The following NFATC1 variants were observed in gnomAD, a reference collection of about 807,000 sequenced individuals.
NFATC1 encodes the protein nuclear factor of activated T-cells, cytoplasmic 1.
A neutral mutation model predicts 76.0 loss-of-function variants in NFATC1; 22 were observed. The ratio of observed to expected loss-of-function variants is 0.29; its 90% confidence interval spans 0.21 to 0.41. The LOEUF (loss-of-function observed/expected upper bound fraction) is 0.41, where lower values mean the gene tolerates loss of function less well. Ranked by LOEUF, NFATC1 falls within the 10% of genes least tolerant of loss-of-function variation. The pLI, the probability that NFATC1 is intolerant of heterozygous loss-of-function variation, is 1.00. For synonymous variants in NFATC1, 704 were observed against 613.1 expected (o/e 1.15, Z -2.19); for missense variants, 1,357 against 1,337.7 (o/e 1.01, Z -0.23).
Position 79,410,761 on chromosome 18 carries a change from G to A in NFATC1, c.486G>A (p.Leu162=). 6.2e-7 allele frequency: 1 copy of A among 1,613,028 alleles called. No individual in the cohort carries two copies. Among genetic ancestry groups the A allele is most frequent in the South Asian group, 1.1e-5 (1 of 91,088 alleles). ...CGGCCACGCTGAGTCTGCCCAGCCT[G>A]GAGGCCTACAGAGACCCCTCGTGCC... is the stretch of plus-strand genomic sequence containing the variant. ...PSTATLSLPS[L]EAYRDPSCLS... Residue 162 remains leucine (L), a synonymous_variant, in exon 2 of 10, where the codon CTG becomes CTA. Coordinates refer to ENST00000427363, the MANE Select transcript of NFATC1 (RefSeq NM_001278669.2). The surrounding 1 kb of genome is among the most constrained non-coding windows in gnomAD (Gnocchi z 6.7).
At chr18:79,453,123 A>G (rs2087543328) in intron 6 of NFATC1, among the ~76,000 whole-genome samples, 1 of 152,244 alleles carries the variant, frequency 6.6e-6, no homozygotes, top group South Asian at 2.1e-4. Flanking sequence ...GGAGGAGGCT[A>G]ATTTTGAAAT....
At chr18:79,421,997 G>C (rs1057346032) in intron 2 of NFATC1, 9 of 152,246 alleles carry the variant, frequency 5.9e-5, no homozygotes, top group Non-Finnish European at 1.0e-4. Flanking sequence ...TCCTTATTTT[G>C]AAAGATCCCT....
chr18:79,485,733 C>A (rs1192563787), intron 8 of NFATC1, among the ~76,000 whole-genome samples: 1 of 152,240 alleles, frequency 6.6e-6, no homozygotes, highest in Non-Finnish European at 1.5e-5. Flanking sequence ...ACCGTGGAGG[C>A]AGTCCAGCCT....
At chr18:79,474,162 G>A (rs1301839753) in intron 8 of NFATC1, among the ~76,000 whole-genome samples, 3 of 133,734 alleles carry the variant, frequency 2.2e-5, no homozygotes, top group African/African-American at 3.2e-5. Context: ...AGGGAAGCGT[G>A]TTCTCACGCT....
chr18:79,425,198 TTTCTCTCC>T lies in NFATC1; in HGVS notation c.1227-8380_1227-8373del, dbSNP rs1250684860. Among the ~76,000 whole-genome samples the T allele has an allele frequency of 4.6e-4, 69 of 150,462 alleles. 1 individual carries two copies. The highest frequency in any genetic ancestry group is 5.7e-4 in the African/African-American group (23 of 40,498). ...CTGTCTCTCTGTCTCTGTCTCTCTG[TTTCTCTCC>T]CTGTCTCTGTCTCTCTGTTTCTCTC... On this transcript the variant is annotated intron_variant, in intron 2 of 9. Transcript: ENST00000427363.
intron 8 of NFATC1, among the ~76,000 whole-genome samples, chr18:79,479,056 T>A (rs9958686): frequency 0.031 from 4,726 of 152,332 alleles, 247 homozygotes; most frequent in African/African-American, 0.11. Flanking sequence ...GCAGCCAGCC[T>A]GCTCTGTGGG....
At chr18:79,459,372 C>T (rs576809953) in intron 6 of NFATC1, among the ~76,000 whole-genome samples, 77 of 152,324 alleles carry the variant, frequency 5.1e-4, no homozygotes, top group African/African-American at 1.4e-3. Flanking sequence ...GCGGGGCAGC[C>T]ACCTGGAGGA....
At chr18:79,406,456 G>A (rs569933748) in intron 1 of NFATC1, among the ~76,000 whole-genome samples, 4 of 152,220 alleles carry the variant, frequency 2.6e-5, no homozygotes, top group South Asian at 2.1e-4. Context: ...CGCTGCCATC[G>A]TGTTCCCTCA....
chr18:79,411,022 G>T lies in NFATC1; in HGVS notation c.747G>T (p.Glu249Asp). ...STSPRASVTE[E>D]SWLGARSSRP... ...CGCCCCGCGCCAGCGTCACTGAGGA[G>T]AGCTGGCTGGGTGCCCGCTCCTCCA... Residue 249 changes from glutamate (E) to aspartate (D), a missense_variant, in exon 2 of 10, where the codon GAG (glutamate) becomes GAT (aspartate). Physicochemically the swap from Glu to Asp is conservative, Grantham distance 45 (BLOSUM62 2). Around this residue, in one of 3 missense-constraint regions of NFATC1, gnomAD observed 691 missense variants for 613.1 expected, o/e 1.13. Transcript: ENST00000427363. The T allele has an allele frequency of 8.1e-6, 13 of 1,611,816 alleles. No individual in the cohort carries two copies. Among genetic ancestry groups the T allele is most frequent in the Non-Finnish European group, 1.1e-5 (13 of 1,179,596 alleles).
At chr18:79,457,828 T>C (rs1411531534) in intron 6 of NFATC1, among the ~76,000 whole-genome samples, 1 of 152,142 alleles carries the variant, frequency 6.6e-6, no homozygotes, top group Non-Finnish European at 1.5e-5. Context: ...CTGTGGTGCC[T>C]GGCAGCTTCT....
At chr18:79,412,384 G>A (rs1232042985) in intron 2 of NFATC1, among the ~76,000 whole-genome samples, 1 of 151,940 alleles carries the variant, frequency 6.6e-6, no homozygotes, top group African/African-American at 2.4e-5. Context: ...AGGAAGAGGC[G>A]TTTGCCACGC....
rs187399560 is a variant in NFATC1 at position 79,478,957 on chromosome 18, C to T, written c.2093-7291C>T. On this transcript the variant is annotated intron_variant, in intron 8 of 9. Transcript: ENST00000427363. Reference sequence around the variant, plus strand: ...GCTCTGCACGCCGCTGACCACTGCGCGCCGCCTCCACAGACAGTCCCCATG... The same window carrying T: ...GCTCTGCACGCCGCTGACCACTGCGTGCCGCCTCCACAGACAGTCCCCATG... Among the ~76,000 whole-genome samples the T allele has an allele frequency of 4.9e-3, 750 of 152,318 alleles. 8 individuals carry two copies. The highest frequency in any genetic ancestry group is 0.017 in the African/African-American group (708 of 41,582).
intron 9 of NFATC1, among the ~76,000 whole-genome samples, chr18:79,513,202 G>A (rs2090301564): frequency 6.6e-6 from 1 of 152,246 alleles, no homozygotes; most frequent in African/African-American, 2.4e-5. Flanking sequence ...GCCCGCGGGT[G>A]GACTCCGGGT....
intron 9 of NFATC1, among the ~76,000 whole-genome samples, chr18:79,514,062 G>A (rs1443770512): frequency 6.6e-6 from 1 of 152,138 alleles, no homozygotes; most frequent in South Asian, 2.1e-4. Flanking sequence ...TCCTCCAGGC[G>A]CTGCCCAGGT....
chr18:79,454,632 C>T (rs557173199), intron 6 of NFATC1, among the ~76,000 whole-genome samples: 1 of 152,306 alleles, frequency 6.6e-6, no homozygotes, highest in Non-Finnish European at 1.5e-5. Context: ...CAGGGCGGCG[C>T]AAAAGGCCGG....
intron 3 of NFATC1, among the ~76,000 whole-genome samples, chr18:79,439,258 G>C (rs957101511): frequency 6.6e-6 from 1 of 152,184 alleles, no homozygotes; most frequent in Non-Finnish European, 1.5e-5. Flanking sequence ...GAGGGACGTC[G>C]CTGGGACACA....
At chr18:79,483,398 C>A in intron 8 of NFATC1, among the ~76,000 whole-genome samples, 1 of 119,128 alleles carries the variant, frequency 8.4e-6, no homozygotes, top group South Asian at 2.6e-4. Context: ...GTCATTCCGG[C>A]ATGACCTGGT....
chr18:79,483,749 C>T (rs2089403903), intron 8 of NFATC1, among the ~76,000 whole-genome samples: 2 of 148,576 alleles, frequency 1.3e-5, no homozygotes, highest in Admixed American at 1.3e-4. Context: ...GGTGTCACTC[C>T]AGCGTGACCT....
At chr18:79,433,871 C>A (rs566718535) in intron 3 of NFATC1, 133 bp downstream of exon 3, 4 of 1,082,526 alleles carry the variant, frequency 3.7e-6, no homozygotes, top group African/African-American at 3.2e-5. Context: ...TAGTCCCGGG[C>A]GGCTGCTCAC....
Sources: allele counts gnomAD v4.1 joint callset (sites outside exome capture counted in the v4.1 genomes callset), GRCh38; gene constraint gnomAD v4.1.1; regional missense constraint gnomAD v4.1.1; non-coding constraint Gnocchi (gnomAD v3.1); transcripts MANE v1.5; gene names NCBI Gene and HGNC (gene_info 2026-07-23, HGNC 2026-07-21).